Variants in PLEC observed in about 807,000 individuals in gnomAD.
The protein encoded by PLEC is plectin, also known as hemidesmosomal protein 1.
PLEC carries 216 observed loss-of-function variants against 392.8 expected under a neutral mutation model. That is an observed-to-expected ratio of 0.55 (90% CI 0.49 to 0.62). The LOEUF (loss-of-function observed/expected upper bound fraction) is 0.62, where lower values mean the gene tolerates loss of function less well. Ranked by LOEUF, PLEC falls within the 20% of genes least tolerant of loss-of-function variation. The pLI, the probability that PLEC is intolerant of heterozygous loss-of-function variation, is 0.00. For missense variants in PLEC, 6,863 were observed against 6,563.4 expected, an observed-to-expected ratio of 1.05 and a Z score of -1.58; for synonymous variants, 3,621 against 2,980.6, an observed-to-expected ratio of 1.21 and a Z score of -7.00.
intron 1 of PLEC, among the ~76,000 whole-genome samples, chr8:143,971,592 G>A (rs1288249700): frequency 6.6e-6 from 1 of 152,154 alleles, no homozygotes; most frequent in African/African-American, 2.4e-5. Flanking sequence ...GCCTTGGTCC[G>A]TGGCTCCCAG....
chr8:143,969,486 G>A lies in PLEC; in HGVS notation c.70+3917C>T, dbSNP rs1833303198. On this transcript the variant is annotated intron_variant, in intron 1 of 31. Coordinates refer to the PLEC transcript ENST00000356346. The surrounding 1 kb of genome is among the most constrained non-coding windows in gnomAD (Gnocchi z 5.1). ...GGTGTCCAGTCGCCCAGCCCCCCAAGCCTGGCCTGTGACAGCTCATAGAGG... is the reference window on the plus strand; with the variant it reads ...GGTGTCCAGTCGCCCAGCCCCCCAAACCTGGCCTGTGACAGCTCATAGAGG... Among the ~76,000 whole-genome samples the A allele has an allele frequency of 6.6e-6, 1 of 152,208 alleles. No individual in the cohort carries two copies. Among genetic ancestry groups the A allele is most frequent in the Admixed American group, 6.5e-5 (1 of 15,284 alleles).
chr8:143,953,766 G>A (rs782203464), upstream of PLEC: 1 of 1,612,262 alleles, frequency 6.2e-7, no homozygotes, highest in Non-Finnish European at 8.5e-7. Flanking sequence ...CTCGCGAGGG[G>A]TCCATGTCTG....
chr8:143,916,925 T>C lies in PLEC; in HGVS notation c.12896A>G (p.His4299Arg), dbSNP rs1554670472. The C allele has an allele frequency of 1.2e-6, 2 of 1,612,770 alleles. No individual in the cohort carries two copies. The highest frequency in any genetic ancestry group is 1.3e-5 in the African/African-American group (1 of 74,912). The change falls in exon 32 of 32, where the codon CAC (histidine) becomes CGC (arginine). Residue 4299 changes from histidine to arginine, a missense_variant. Transcript: ENST00000345136. Reference protein sequence around the residue: ...LEKVSITEAMHRNLVDNITGQ... With the variant: ...LEKVSITEAMRRNLVDNITGQ... The stretch of plus-strand genomic sequence containing the variant: ...CGTGATGTTATCCACCAGGTTCCGG[T>C]GCATGGCCTCGGTGATGGACACCTT...
At chr8:143,943,696 G>T (rs1830918553), upstream of PLEC, 3 of 1,290,118 alleles carry the variant, frequency 2.3e-6, no homozygotes, top group African/African-American at 2.9e-5. Flanking sequence ...ACAGGAAGGG[G>T]AGGGCGCAGG....
At position 143,949,153 on chromosome 8, in the gene PLEC, C is replaced by T. The variant is rs568905201; in HGVS notation, c.523+1031G>A. Among the ~76,000 whole-genome samples the T allele has an allele frequency of 3.3e-5, 5 of 152,328 alleles. No individual in the cohort carries two copies. In the East Asian group the frequency reaches 5.8e-4, roughly 18 times the overall value. ...CCAGGGCTCCGCCCAGCATCCCACA[C>T]GGGCAGCTGCGCCCTAAACTTGGGC... is the stretch of plus-strand genomic sequence containing the variant. On this transcript the variant is annotated intron_variant, in intron 1 of 31. Coordinates refer to the PLEC transcript ENST00000322810.
intron 10 of PLEC, 62 bp from the exon 11 acceptor site, chr8:143,934,507 T>G: frequency 6.2e-7 from 1 of 1,604,130 alleles, no homozygotes; most frequent in Non-Finnish European, 8.5e-7. Flanking sequence ...GCGCTGGGCC[T>G]TCAGACCCCA....
In PLEC at chr8:143,916,327, C is replaced by G; in HGVS notation, c.13494G>C (p.Arg4498=). Residue 4498 remains arginine (R), a synonymous_variant, in exon 32 of 32, where the codon CGG becomes CGC. Transcript: ENST00000345136. ...CAAAGCTGCCGCGGCGGGAGCCGGC[C>G]CGGGAGCCGGTGCGCGAGCCGGTGC... ...GSRTGSRTGS[R]AGSRRGSFDA... The G allele has an allele frequency of 1.3e-6, 2 of 1,590,956 alleles. No individual in the cohort carries two copies. Among genetic ancestry groups the G allele is most frequent in the Non-Finnish European group, 1.7e-6 (2 of 1,171,090 alleles).
upstream of PLEC, among the ~76,000 whole-genome samples, chr8:143,956,612 G>A (rs115262170): frequency 6.6e-3 from 1,007 of 152,320 alleles, 9 homozygotes; most frequent in African/African-American, 0.023. Flanking sequence ...ATGAGAAGGT[G>A]AGGGCACACA....
upstream of PLEC, chr8:143,953,973 T>C (rs1587378967): frequency 7.9e-7 from 1 of 1,267,918 alleles, no homozygotes; most frequent in Non-Finnish European, 1.0e-6. Flanking sequence ...CGCGCACCCC[T>C]CCCCCCCAGC....
chr8:143,944,807 G>T, intron 1 of PLEC: 2 of 863,814 alleles, frequency 2.3e-6, no homozygotes, highest in South Asian at 4.6e-5. Context: ...GCAGCAGCTT[G>T]TGGGGGAGGG....
At chr8:143,972,437 G>A (rs1205281836) in intron 1 of PLEC, among the ~76,000 whole-genome samples, 1 of 152,210 alleles carries the variant, frequency 6.6e-6, no homozygotes, top group South Asian at 2.1e-4. Context: ...ACGCCTGAAG[G>A]AGATGAGTTC....
At chr8:143,925,980 G>GCGGA in intron 30 of PLEC, 96 bp from the exon 31 acceptor site, 2 of 1,327,192 alleles carry the variant, frequency 1.5e-6, no homozygotes, top group Non-Finnish European at 2.1e-6. Context: ...CTCAGACAGC[G>GCGGA]CGGAGCAGGG....
rs1821864530 is a variant in PLEC at position 143,919,678 on chromosome 8, T to C, written c.10143A>G (p.Arg3381=). 6 of 1,599,626 alleles carry C rather than the reference T, an allele frequency of 3.8e-6. No individual in the cohort carries two copies. Among genetic ancestry groups the C allele is most frequent in the Admixed American group, 1.7e-5 (1 of 59,352 alleles). Residue 3381 remains arginine, a synonymous_variant, in exon 32 of 32, where the codon AGA becomes AGG. Transcript: ENST00000345136. The stretch of plus-strand genomic sequence containing the variant: ...CCAGCAGGAGCGCAGCCGTTGTGGC[T>C]CTCAGCAGGCCCCGGCGCATGGCCT... The part of the protein sequence containing the change: ...IYEAMRRGLL[R]ATTAALLLEA...
In PLEC at chr8:143,926,864, G is replaced by C; in HGVS notation, c.3964C>G (p.His1322Asp). 6.2e-7 allele frequency: 1 copy of C among 1,613,106 alleles called. No individual in the cohort carries two copies. The highest frequency in any genetic ancestry group is 1.1e-5 in the South Asian group (1 of 91,084). ...VIQEYVDLRT[H>D]YSELTTLTSQ... is the part of the protein sequence containing the mutation. ...GTCAGTGTGGTCAGCTCGCTGTAGT[G>C]CGTACGCAGGTCCACGTACTGTGGA... The change falls in exon 30 of 32, where the codon CAC becomes GAC. Residue 1322 changes from histidine (H) to aspartate (D), a missense_variant. His to Asp is a moderately conservative substitution (Grantham distance 81). Coordinates refer to ENST00000345136, the MANE Select transcript of PLEC (RefSeq NM_201384.3).
In PLEC at chr8:143,934,998, G is replaced by A; in HGVS notation, c.825+13C>T. The A allele has an allele frequency of 6.2e-7, 1 of 1,611,926 alleles. No homozygotes were observed. The highest frequency in any genetic ancestry group is 8.5e-7 in the Non-Finnish European group (1 of 1,179,538). ...CAGGCCCAAGCCCCCTGCCCTCCGG[G>A]CCCCCCACTCACGTTGGCCCTCACC... On this transcript the variant is annotated intron_variant, in intron 8 of 31. Coordinates refer to ENST00000345136, the MANE Select transcript of PLEC (RefSeq NM_201384.3).
chr8:143,926,463 G>C (rs1287831126), intron 30 of PLEC, among the ~76,000 whole-genome samples: 9 of 152,360 alleles, frequency 5.9e-5, no homozygotes, highest in African/African-American at 2.2e-4. Flanking sequence ...GCAGCAAAGG[G>C]TTGAGCGGAA....
Position 143,916,660 on chromosome 8 carries a change from G to A in PLEC, c.13161C>T (p.Phe4387=), listed in dbSNP as rs1820677143. Residue 4387 remains phenylalanine (F), a synonymous_variant, in exon 32 of 32, where the codon TTC becomes TTT. Transcript: ENST00000345136. ...GWLYYEAGQR[F]LEVQYLTGGL... ...CGCCGGTCAGGTACTGCACCTCCAGGAAGCGCTGGCCGGCCTCGTAGTAGA... is the reference window on the plus strand; with the variant it reads ...CGCCGGTCAGGTACTGCACCTCCAGAAAGCGCTGGCCGGCCTCGTAGTAGA... 6.2e-7 allele frequency: 1 copy of A among 1,611,188 alleles called. No individual in the cohort carries two copies. The highest frequency in any genetic ancestry group is 1.3e-5 in the African/African-American group (1 of 74,912).
rs1232515326 is a variant in PLEC at position 143,929,398 on chromosome 8, G to T, written c.3081+16C>A. On this transcript the variant is annotated intron_variant, in intron 24 of 31. Transcript: ENST00000345136. The stretch of plus-strand genomic sequence containing the variant: ...GGGGAGAGGGATGGGACTGGATGGG[G>T]GGGGACGGCCCCTGCCTGCTGCTCG... 1.3e-6 allele frequency: 2 copies of T among 1,561,696 alleles called. No homozygotes were observed. Among genetic ancestry groups the T allele is most frequent in the Admixed American group, 1.9e-5 (1 of 52,750 alleles).
upstream of PLEC, among the ~76,000 whole-genome samples, chr8:143,975,019 G>A (rs1425113847): frequency 6.6e-6 from 1 of 152,208 alleles, no homozygotes; most frequent in Non-Finnish European, 1.5e-5. The surrounding 1 kb of genome is among the most constrained non-coding windows in gnomAD (Gnocchi z 9.9). Context: ...GTGGCGCTGT[G>A]CCGCCTGCAC....
Sources: gnomAD v4.1 joint callset for allele counts (sites outside exome capture counted in the v4.1 genomes callset) on GRCh38, gnomAD v4.1.1 for gene constraint, Gnocchi (gnomAD v3.1) non-coding constraint, MANE v1.5 for transcripts, NCBI Gene and HGNC (gene_info 2026-07-23, HGNC 2026-07-21) for gene names.